Variants in TENM4 observed in about 807,000 individuals in gnomAD.
TENM4 encodes teneurin transmembrane protein 4.
A neutral mutation model predicts 243.3 loss-of-function variants in TENM4; 82 were observed. The ratio of observed to expected loss-of-function variants is 0.34; its 90% CI spans 0.28 to 0.40. The LOEUF (loss-of-function observed/expected upper bound fraction) is 0.40, where lower values mean the gene tolerates loss of function less well. TENM4 is among the 10% of genes least tolerant of loss of function. The pLI is 1.00. For missense variants in TENM4, 3,138 were observed against 3,673.3 expected (o/e 0.85, Z 3.77); for synonymous variants, 1,412 against 1,456.3 (o/e 0.97, Z 0.69).
intron 3 of TENM4, among the ~76,000 whole-genome samples, chr11:79,154,262 C>A (rs1254908115): frequency 6.6e-6 from 1 of 152,038 alleles, no homozygotes; most frequent in Non-Finnish European, 1.5e-5. Context: ...GAAAGGGAGC[C>A]AGCACATCAC....
intron 2 of TENM4, among the ~76,000 whole-genome samples, chr11:79,257,532 C>T (rs1200862361): frequency 1.3e-5 from 2 of 152,142 alleles, no homozygotes; most frequent in Non-Finnish European, 2.9e-5. Flanking sequence ...GATCCACTTG[C>T]TTCTTTTCAT....
intron 3 of TENM4, among the ~76,000 whole-genome samples, chr11:79,182,422 C>G (rs930420678): frequency 1.3e-5 from 2 of 152,062 alleles, no homozygotes; most frequent in African/African-American, 2.4e-5. Flanking sequence ...AGACCTCATT[C>G]CCTTCACAAG....
At chr11:78,893,909 A>C (rs1290413923) in intron 7 of TENM4, among the ~76,000 whole-genome samples, 1 of 152,154 alleles carries the variant, frequency 6.6e-6, no homozygotes, top group African/African-American at 2.4e-5. Flanking sequence ...TCCAATATAT[A>C]TATGCTTATC....
rs188092523 is a variant in TENM4 at position 79,327,781 on chromosome 11, C to T, written c.-320-30238G>A. ...TCCAGTGATCTGAATCCTGGTACCT[C>T]AGAGTCCTCTGTGGGTGTCCTGAAA... On this transcript the variant is annotated intron_variant, in intron 1 of 33. Transcript: ENST00000278550. 1.2e-3 allele frequency among the ~76,000 whole-genome samples: 176 copies of T among 151,786 alleles called. 1 individual carries two copies. Among genetic ancestry groups the T allele is most frequent in the African/African-American group, 4.0e-3 (166 of 41,378 alleles).
chr11:79,282,443 T>C (rs1323684692), intron 2 of TENM4, among the ~76,000 whole-genome samples: 1 of 152,208 alleles, frequency 6.6e-6, no homozygotes, highest in Non-Finnish European at 1.5e-5. Context: ...AAACTCTCTT[T>C]TAGACATGTT....
intron 2 of TENM4, among the ~76,000 whole-genome samples, chr11:79,289,383 G>A (rs1039829550): frequency 6.6e-6 from 1 of 152,186 alleles, no homozygotes; most frequent in African/African-American, 2.4e-5. Context: ...CCAGCTGCAG[G>A]GACTGTTGCT....
chr11:79,317,229 GAC>G (rs1856816642), intron 1 of TENM4, among the ~76,000 whole-genome samples: 1 of 152,216 alleles, frequency 6.6e-6, no homozygotes, highest in South Asian at 2.1e-4. Flanking sequence ...CTTCAAGGAA[GAC>G]ACAACTCCAT....
chr11:78,772,011 GC>G (rs1441380611), intron 17 of TENM4, among the ~76,000 whole-genome samples: 1 of 152,106 alleles, frequency 6.6e-6, no homozygotes, highest in African/African-American at 2.4e-5. Context: ...ATTTATGTAG[GC>G]AAAAAATTTA....
At chr11:78,752,966 A>T (rs1214828453) in intron 19 of TENM4, among the ~76,000 whole-genome samples, 2 of 152,174 alleles carry the variant, frequency 1.3e-5, no homozygotes, top group Non-Finnish European at 2.9e-5. Context: ...CTAGGTTGAG[A>T]CTTTATGTAC....
At chr11:79,171,686 T>G (rs1863044580) in intron 3 of TENM4, among the ~76,000 whole-genome samples, 1 of 152,288 alleles carries the variant, frequency 6.6e-6, no homozygotes, top group African/African-American at 2.4e-5. Flanking sequence ...AATAAATGGA[T>G]AAGAATTTAT....
chr11:79,042,658 C>G (rs1360714482), intron 6 of TENM4, among the ~76,000 whole-genome samples: 1 of 152,202 alleles, frequency 6.6e-6, no homozygotes, highest in African/African-American at 2.4e-5. Context: ...TTTGTTATAG[C>G]AGCCTGAAGG....
intron 23 of TENM4, among the ~76,000 whole-genome samples, chr11:78,723,216 G>A (rs770267638): frequency 2.6e-5 from 4 of 152,248 alleles, no homozygotes; most frequent in Non-Finnish European, 4.4e-5. Flanking sequence ...GAAGATAAGT[G>A]GAAGAGCTCC....
chr11:78,726,296 G>A, intron 22 of TENM4, 74 bp from the exon 23 acceptor site: 1 of 1,506,790 alleles, frequency 6.6e-7, no homozygotes, highest in African/African-American at 1.4e-5. Flanking sequence ...CTGTAGGCAA[G>A]GCCCCTGGCT....
chr11:79,221,914 T>G (rs2135240574), intron 2 of TENM4, among the ~76,000 whole-genome samples: 1 of 152,350 alleles, frequency 6.6e-6, no homozygotes. Context: ...TGTTTGCCTC[T>G]GCCAGGGCAG....
chr11:78,689,497 T>G (rs1223421083), intron 28 of TENM4, among the ~76,000 whole-genome samples: 1 of 151,998 alleles, frequency 6.6e-6, no homozygotes, highest in Non-Finnish European at 1.5e-5. Context: ...AACTGTTTTG[T>G]TTTTACCTCT....
intron 1 of TENM4, among the ~76,000 whole-genome samples, chr11:79,404,167 C>G (rs1190349705): frequency 6.6e-6 from 1 of 152,226 alleles, no homozygotes; most frequent in African/African-American, 2.4e-5. Flanking sequence ...TAATTAAGCC[C>G]CAAACAGCCC....
At chr11:79,124,840 T>C (rs1484978617) in intron 4 of TENM4, among the ~76,000 whole-genome samples, 4 of 147,310 alleles carry the variant, frequency 2.7e-5, no homozygotes, top group African/African-American at 1.0e-4. Context: ...TGTGTGTATA[T>C]ATATACACAT....
At chr11:79,228,496 C>T (rs1298730043) in intron 2 of TENM4, among the ~76,000 whole-genome samples, 2 of 152,160 alleles carry the variant, frequency 1.3e-5, no homozygotes, top group African/African-American at 4.8e-5. Flanking sequence ...CCAGTGCAGA[C>T]TTGCTTGCCA....
intron 19 of TENM4, among the ~76,000 whole-genome samples, chr11:78,742,069 T>G (rs1291294566): frequency 1.3e-5 from 2 of 152,168 alleles, no homozygotes; most frequent in African/African-American, 4.8e-5. Flanking sequence ...ACCCCCTCCT[T>G]TGGGCTTTTA....
Sources: gnomAD v4.1 joint callset for allele counts (sites outside exome capture counted in the v4.1 genomes callset) on GRCh38, gnomAD v4.1.1 for gene constraint, MANE v1.5 for transcripts, NCBI Gene and HGNC (gene_info 2026-07-23, HGNC 2026-07-21) for gene names.